The following WWOX variants were observed in gnomAD, a reference collection of about 807,000 sequenced individuals.
The protein encoded by WWOX is WW domain containing oxidoreductase, also known as WW domain-containing oxidoreductase.
Under a neutral mutation model 46.2 loss-of-function variants are expected in WWOX, and 69 were observed. The observed-to-expected ratio is 1.49, with a 90% CI of 1.23 to 1.82. The LOEUF is 1.82. WWOX is among the 40% of genes most tolerant of loss of function. The probability of loss-of-function intolerance (pLI) is 0.00; values close to 1 mark genes in which losing one functional copy is unlikely to be tolerated. For synonymous variants in WWOX, 359 were observed against 202.6 expected, an observed-to-expected ratio of 1.77 and a Z score of -6.56; for missense variants, 919 against 542.6, an observed-to-expected ratio of 1.69 and a Z score of -6.89.
At chr16:78,886,473 C>T (rs950766425) in intron 8 of WWOX, among the ~76,000 whole-genome samples, 7 of 151,722 alleles carry the variant, frequency 4.6e-5, no homozygotes, top group African/African-American at 1.7e-4. Context: ...AATAACACAT[C>T]ATTGAACATC....
Position 78,770,378 on chromosome 16 carries a change from A to C in WWOX, c.1056+337626A>C, listed in dbSNP as rs534083787. 1.2e-4 allele frequency among the ~76,000 whole-genome samples: 18 copies of C among 152,262 alleles called. 1 individual carries two copies. In the East Asian group the frequency reaches 3.5e-3, roughly 29 times the overall value. ...ACAAAAAAAAAATTTAACTCTAAAG[A>C]ATCCAAGAATACAGATTTGGGAGCA... On this transcript the variant is annotated intron_variant, in intron 8 of 8. Coordinates refer to ENST00000566780, the MANE Select transcript of WWOX (RefSeq NM_016373.4).
chr16:78,184,867 G>A (rs1393002465), intron 5 of WWOX, among the ~76,000 whole-genome samples: 2 of 152,224 alleles, frequency 1.3e-5, no homozygotes, highest in African/African-American at 2.4e-5. Context: ...AAGTTATGCT[G>A]TAATAACAAC....
intron 8 of WWOX, among the ~76,000 whole-genome samples, chr16:78,792,014 A>G (rs1281547533): frequency 6.6e-6 from 1 of 152,080 alleles, no homozygotes; most frequent in African/African-American, 2.4e-5. Context: ...AGTACTGGAC[A>G]TTCCCTTATT....
intron 8 of WWOX, among the ~76,000 whole-genome samples, chr16:79,140,055 G>T (rs2050059771): frequency 6.6e-6 from 1 of 152,108 alleles, no homozygotes; most frequent in Non-Finnish European, 1.5e-5. Context: ...AAGCATTTTT[G>T]GATTTTTCCT....
At chr16:79,005,936 A>G (rs907065507) in intron 8 of WWOX, among the ~76,000 whole-genome samples, 5 of 152,170 alleles carry the variant, frequency 3.3e-5, no homozygotes, top group Admixed American at 2.6e-4. Flanking sequence ...GGAGAAACCC[A>G]TCCATACTCT....
intron 8 of WWOX, among the ~76,000 whole-genome samples, chr16:79,104,584 G>A (rs935647031): frequency 2.0e-5 from 3 of 152,070 alleles, no homozygotes; most frequent in African/African-American, 4.8e-5. Flanking sequence ...ACAAAAATAC[G>A]CACGAATATT....
In WWOX at chr16:78,741,504, G is replaced by C. The variant is rs550454467; in HGVS notation, c.1056+308752G>C. 2.9e-3 allele frequency among the ~76,000 whole-genome samples: 440 copies of C among 152,212 alleles called. 5 individuals are homozygous for C. The highest frequency in any genetic ancestry group is 0.01 in the African/African-American group (426 of 41,532). ...GAACCTGGGAGGCAGAGGTTGAAGT[G>C]ACCCAAGATCACCACTGCACCCCAG... On this transcript the variant is annotated intron_variant, in intron 8 of 8. Transcript: ENST00000566780.
rs1458674116 is a variant in WWOX, at chr16:78,678,437, A to G, written c.1056+245685A>G. ...GAATGGATTATTTTAGTTTGGCCTCAATCTTTATAGAAACTCAATTCAACA... is the reference window on the plus strand; with the variant it reads ...GAATGGATTATTTTAGTTTGGCCTCGATCTTTATAGAAACTCAATTCAACA... On this transcript the variant is annotated intron_variant, in intron 8 of 8. Coordinates refer to ENST00000566780, the MANE Select transcript of WWOX (RefSeq NM_016373.4). Among the ~76,000 whole-genome samples, 3 of 152,318 alleles carry G rather than the reference A, an allele frequency of 2.0e-5. No individual in the cohort carries two copies. In the East Asian group the frequency reaches 5.8e-4, roughly 29 times the overall value.
At chr16:78,193,727 G>A (rs1311729869) in intron 5 of WWOX, among the ~76,000 whole-genome samples, 1 of 152,070 alleles carries the variant, frequency 6.6e-6, no homozygotes, top group Non-Finnish European at 1.5e-5. Flanking sequence ...GGTAGACTTA[G>A]CCAAAACTAA....
chr16:78,684,585 GGT>G (rs2047812094), intron 8 of WWOX, among the ~76,000 whole-genome samples: 3 of 152,130 alleles, frequency 2.0e-5, no homozygotes, highest in Non-Finnish European at 4.4e-5. Flanking sequence ...ACATCCCTGG[GGT>G]GGAGAAGCCA....
intron 8 of WWOX, among the ~76,000 whole-genome samples, chr16:78,554,500 C>T (rs2458028): frequency 1 from 152,268 of 152,330 alleles, 76,103 homozygotes; most frequent in Non-Finnish European, 1. Flanking sequence ...TAGATACATA[C>T]ATACACATAT....
At chr16:78,446,377 G>C (rs779880714) in intron 8 of WWOX, among the ~76,000 whole-genome samples, 39 of 152,220 alleles carry the variant, frequency 2.6e-4, no homozygotes, top group Non-Finnish European at 5.0e-4. Context: ...TGAAGTCTCA[G>C]GTCCTTGTCT....
At chr16:78,997,366 G>C (rs535051186) in intron 8 of WWOX, among the ~76,000 whole-genome samples, 1 of 152,126 alleles carries the variant, frequency 6.6e-6, no homozygotes, top group Admixed American at 6.6e-5. Context: ...AAGATTCGTG[G>C]CTTGGGTCTG....
intron 8 of WWOX, among the ~76,000 whole-genome samples, chr16:79,183,699 C>G (rs1009114376): frequency 1.4e-4 from 22 of 152,266 alleles, no homozygotes; most frequent in African/African-American, 4.8e-4. Context: ...CCATTTAATA[C>G]CCATTACCTA....
At chr16:78,759,717 G>A (rs1597563433) in intron 8 of WWOX, among the ~76,000 whole-genome samples, 1 of 152,170 alleles carries the variant, frequency 6.6e-6, no homozygotes, top group East Asian at 1.9e-4. Flanking sequence ...GTTTCCTATG[G>A]CTGCTGTAAA....
At chr16:78,198,122 A>G (rs563318607) in intron 5 of WWOX, among the ~76,000 whole-genome samples, 1 of 152,040 alleles carries the variant, frequency 6.6e-6, no homozygotes, top group Non-Finnish European at 1.5e-5. Context: ...TCTACGCTCC[A>G]GGTCTCCAGT....
intron 6 of WWOX, among the ~76,000 whole-genome samples, chr16:78,398,692 C>T (rs1240056928): frequency 6.6e-6 from 1 of 152,198 alleles, no homozygotes; most frequent in Admixed American, 6.5e-5. Flanking sequence ...CTTGTAATAT[C>T]TGTGCTACAA....
chr16:78,473,661 G>GT (rs958368898), intron 8 of WWOX, among the ~76,000 whole-genome samples: 14 of 151,762 alleles, frequency 9.2e-5, no homozygotes, highest in African/African-American at 1.7e-4. Context: ...GATATGGAGC[G>GT]TTTTTTTTGG....
intron 4 of WWOX, among the ~76,000 whole-genome samples, chr16:78,160,798 T>C (rs1393259031): frequency 6.6e-6 from 1 of 152,188 alleles, no homozygotes; most frequent in Non-Finnish European, 1.5e-5. Context: ...TTATTTTCAG[T>C]TTATCAATTA....
Sources: allele counts gnomAD v4.1 joint callset (sites outside exome capture counted in the v4.1 genomes callset), GRCh38; gene constraint gnomAD v4.1.1; transcripts MANE v1.5; gene names NCBI Gene and HGNC (gene_info 2026-07-23, HGNC 2026-07-21).